Variants in SLC9A6 observed in about 807,000 individuals in gnomAD.
The protein encoded by SLC9A6 is solute carrier family 9 member A6.
SLC9A6 carries 6 observed loss-of-function variants against 45.3 expected under a neutral mutation model. The ratio of observed to expected loss-of-function variants is 0.13; its 90% confidence interval spans 0.07 to 0.26. SLC9A6 has a LOEUF of 0.26. Ranked by LOEUF, SLC9A6 falls within the 10% of genes least tolerant of loss-of-function variation. The pLI is 1.00. For missense variants in SLC9A6, 278 were observed against 503.7 expected, an observed-to-expected ratio of 0.55 and a Z score of 4.29; for synonymous variants, 191 against 187.7, an observed-to-expected ratio of 1.02 and a Z score of -0.14.
In SLC9A6 at chrX:136,008,029, T is replaced by A. The variant is rs529097068; in HGVS notation, c.744-2413T>A. On this transcript the variant is annotated intron_variant, in intron 7 of 17. Transcript: ENST00000630721. Reference sequence around the variant, plus strand: ...AGCAACATGTAAAATGAGCCATAGGTATAGTAATAGTCTATTTTTAGAAAT... The same window carrying A: ...AGCAACATGTAAAATGAGCCATAGGAATAGTAATAGTCTATTTTTAGAAAT... Among the ~76,000 whole-genome samples the A allele has an allele frequency of 2.7e-5, 3 of 111,453 alleles. No individual in the cohort carries two copies. In the South Asian group the frequency reaches 1.1e-3, roughly 42 times the overall value.
intron 7 of SLC9A6, among the ~76,000 whole-genome samples, chrX:136,002,960 A>ACC (rs1340179393): frequency 1.4e-4 from 15 of 106,462 alleles, no homozygotes; most frequent in Non-Finnish European, 3.9e-5. Context: ...GTCCTCATCC[A>ACC]CCTGTCCCCC....
At chrX:136,023,215 A>G (rs1378984069) in intron 12 of SLC9A6, among the ~76,000 whole-genome samples, 1 of 50,201 alleles carries the variant, frequency 2.0e-5, no homozygotes, top group Non-Finnish European at 3.7e-5. Flanking sequence ...ATATATATAT[A>G]TATATATAGT....
chrX:136,022,915 T>C (rs2071154203), intron 12 of SLC9A6, among the ~76,000 whole-genome samples: 1 of 108,849 alleles, frequency 9.2e-6, no homozygotes, highest in Non-Finnish European at 1.9e-5. Context: ...GTTCAAGCAA[T>C]TCTCGTGCCT....
chrX:136,006,827 G>A (rs2089664642), intron 7 of SLC9A6, among the ~76,000 whole-genome samples: 1 of 111,072 alleles, frequency 9.0e-6, no homozygotes, highest in African/African-American at 3.3e-5. Flanking sequence ...AGAGATACAT[G>A]CTAGGATCAG....
chrX:136,017,605 A>G (rs1556619441), intron 11 of SLC9A6, among the ~76,000 whole-genome samples: 2 of 111,423 alleles, frequency 1.8e-5, no homozygotes, highest in Non-Finnish European at 3.8e-5. Context: ...TAGGGTATGT[A>G]GAAATGAAGG....
At chrX:136,020,092 A>G (rs1556619725) in intron 11 of SLC9A6, among the ~76,000 whole-genome samples, 1 of 112,076 alleles carries the variant, frequency 8.9e-6, no homozygotes, top group African/African-American at 3.2e-5. Flanking sequence ...TATATACTTA[A>G]TAATGTTGAC....
upstream of SLC9A6, chrX:135,974,083 C>G (rs868967867): frequency 2.8e-4 from 3 of 10,723 alleles, no homozygotes; most frequent in Admixed American, 3.3e-3. Context: ...GGGCGAGGGG[C>G]GGGGTAGGCA....
Position 135,994,794 on chromosome X carries a change from G to A in SLC9A6, c.178G>A (p.Val60Met), listed in dbSNP as rs906567942. Residue 60 changes from valine (V) to methionine (M), a missense_variant, in exon 3 of 18, where the codon GTG becomes ATG. Val to Met is a conservative substitution (Grantham distance 21). Coordinates refer to ENST00000630721, the MANE Select transcript of SLC9A6 (RefSeq NM_001379110.1). ...GTTGTTCTTTTTTCCAGGTCTTTTG[G>A]TGGGCCTTGTGCTTCGGTATGGCAT... ...TGLAMIYGLL[V>M]GLVLRYGIHV... 2.5e-6 allele frequency: 3 copies of A among 1,211,076 alleles called. No individual in the cohort carries two copies. Among genetic ancestry groups the A allele is most frequent in the Non-Finnish European group, 3.4e-6 (3 of 895,095 alleles).
intron 11 of SLC9A6, among the ~76,000 whole-genome samples, chrX:136,018,932 G>T (rs2071072979): frequency 9.0e-6 from 1 of 111,260 alleles, no homozygotes; most frequent in South Asian, 3.8e-4. Flanking sequence ...GTTCTTAGCT[G>T]AAAGATAACC....
upstream of SLC9A6, chrX:135,973,976 G>A (rs1016340474): frequency 5.8e-6 from 6 of 1,030,197 alleles, no homozygotes; most frequent in Non-Finnish European, 1.3e-6. Flanking sequence ...GGGAGCTACG[G>A]GGAAGCGAAG....
chrX:136,010,414 A>C, intron 7 of SLC9A6, 28 bp from the exon 8 acceptor site: 7 of 1,206,863 alleles, frequency 5.8e-6, no homozygotes, highest in Non-Finnish European at 7.9e-6. Context: ...GGTTGTTTTC[A>C]GAAGTAAAAG....
chrX:136,030,953 G>A (rs1259226531), intron 15 of SLC9A6, among the ~76,000 whole-genome samples: 1 of 111,996 alleles, frequency 8.9e-6, no homozygotes, highest in Non-Finnish European at 1.9e-5. Flanking sequence ...ACCACAGTCA[G>A]TATATTTGTC....
chrX:136,027,914 G>A (rs782689254), intron 13 of SLC9A6, among the ~76,000 whole-genome samples: 1 of 112,537 alleles, frequency 8.9e-6, no homozygotes, highest in South Asian at 3.7e-4. Flanking sequence ...CTTTCACATA[G>A]TTTGTGACAG....
chrX:135,998,285 C>G (rs1603198259), intron 4 of SLC9A6, 100 bp downstream of exon 4: 1 of 594,137 alleles, frequency 1.7e-6, no homozygotes, highest in Non-Finnish European at 2.9e-6. Flanking sequence ...CCAGATTACC[C>G]TCCTTTCTCC....
At chrX:136,033,797 T>C (rs2071368653) in intron 16 of SLC9A6, among the ~76,000 whole-genome samples, 2 of 112,093 alleles carry the variant, frequency 1.8e-5, no homozygotes, top group African/African-American at 6.5e-5. Context: ...TTTGTTGTCC[T>C]TTAGCTAATT....
rs2148220267 is a variant in SLC9A6 at position 136,047,205 on chromosome X, T to G, written c.*2481T>G. 8.9e-6 allele frequency: 1 copy of G among 112,469 alleles called. No homozygotes were observed. Among genetic ancestry groups the G allele is most frequent in the African/African-American group, 3.2e-5 (1 of 30,870 alleles). 9.3% of individuals were successfully genotyped at this position (112,469 alleles called of 1,213,427 possible). A position where few individuals can be genotyped will look rare whatever the true frequency, so the allele number is the denominator to read the frequency against. ...GACTTCATTTATTTTTCTACCTATATACCTAGTGGAAAAGGGGAAGACTAA... is the reference window on the plus strand; with the variant it reads ...GACTTCATTTATTTTTCTACCTATAGACCTAGTGGAAAAGGGGAAGACTAA... On this transcript the variant is annotated 3_prime_UTR_variant, in exon 18 of 18. Coordinates refer to ENST00000630721, the MANE Select transcript of SLC9A6 (RefSeq NM_001379110.1).
chrX:135,985,166 C>T (rs149364203), upstream of SLC9A6: 1,877 of 190,395 alleles, frequency 9.9e-3, 10 homozygotes, highest in Non-Finnish European at 0.015. Flanking sequence ...TATGAAAGAT[C>T]AATTCCCCTG....
At chrX:136,012,664 G>C (rs1295913588) in intron 8 of SLC9A6, among the ~76,000 whole-genome samples, 1 of 112,503 alleles carries the variant, frequency 8.9e-6, no homozygotes, top group Non-Finnish European at 1.9e-5. Context: ...TGTTACTCCC[G>C]TCTCTATCTA....
chrX:136,006,689 G>A (rs372056322), intron 7 of SLC9A6, among the ~76,000 whole-genome samples: 50 of 109,980 alleles, frequency 4.5e-4, no homozygotes, highest in African/African-American at 1.6e-3. Context: ...ATGGATTACC[G>A]TGATTAGCCT....
Sources: gnomAD v4.1 joint callset for allele counts (sites outside exome capture counted in the v4.1 genomes callset) on GRCh38, gnomAD v4.1.1 for gene constraint, MANE v1.5 for transcripts, NCBI Gene and HGNC (gene_info 2026-07-23, HGNC 2026-07-21) for gene names.